KCND2: variants seen among roughly 807,000 people sequenced by gnomAD.
KCND2 encodes the protein potassium voltage-gated channel subfamily D member 2, also known as A-type voltage-gated potassium channel KCND2.
In KCND2, 16 loss-of-function variants were observed where a neutral mutation model predicts 54.4. That is an observed-to-expected ratio of 0.29 (90% confidence interval 0.20 to 0.45). The LOEUF is 0.45. KCND2 is among the 20% of genes least tolerant of loss of function. The probability of loss-of-function intolerance (pLI) is 1.00; values close to 1 mark genes in which losing one functional copy is unlikely to be tolerated. For missense variants in KCND2, 486 were observed against 824.2 expected, an observed-to-expected ratio of 0.59 and a Z score of 5.02; for synonymous variants, 317 against 310.7, an observed-to-expected ratio of 1.02 and a Z score of -0.21.
intron 1 of KCND2, among the ~76,000 whole-genome samples, chr7:120,614,901 A>G (rs1448202384): frequency 2.0e-5 from 3 of 152,190 alleles, no homozygotes; most frequent in African/African-American, 4.8e-5. Context: ...GAAAAGTTTG[A>G]TTAGTATTAG....
intron 1 of KCND2, among the ~76,000 whole-genome samples, chr7:120,559,009 G>A (rs1372917443): frequency 2.6e-5 from 4 of 151,614 alleles, no homozygotes; most frequent in African/African-American, 7.3e-5. Context: ...GTGTGTGTGT[G>A]TGTGTTTCTG....
At chr7:120,550,017 A>C (rs1421756314) in intron 1 of KCND2, among the ~76,000 whole-genome samples, 1 of 152,086 alleles carries the variant, frequency 6.6e-6, no homozygotes, top group Admixed American at 6.6e-5. Context: ...ATAATTTAGC[A>C]ATCTCCTCCA....
At chr7:120,488,300 A>G (rs1193681008) in intron 1 of KCND2, among the ~76,000 whole-genome samples, 1 of 152,200 alleles carries the variant, frequency 6.6e-6, no homozygotes, top group Non-Finnish European at 1.5e-5. Flanking sequence ...CATTAAAAGT[A>G]TATTTTATCA....
chr7:120,572,709 G>T (rs139446830), intron 1 of KCND2, among the ~76,000 whole-genome samples: 71 of 152,168 alleles, frequency 4.7e-4, no homozygotes, highest in African/African-American at 1.7e-3. Flanking sequence ...TTAGAGACGG[G>T]GTTTCATCAT....
intron 1 of KCND2, among the ~76,000 whole-genome samples, chr7:120,410,516 G>A (rs574120122): frequency 1.3e-5 from 2 of 151,722 alleles, no homozygotes; most frequent in African/African-American, 2.4e-5. Context: ...CACGAATATG[G>A]TATATCTCTA....
At chr7:120,655,752 A>AC (rs1256758131) in intron 1 of KCND2, among the ~76,000 whole-genome samples, 1 of 152,062 alleles carries the variant, frequency 6.6e-6, no homozygotes, top group East Asian at 1.9e-4. Context: ...ACTGCGCTGT[A>AC]CCCTCACCCA....
At chr7:120,457,327 T>C (rs1802214559) in intron 1 of KCND2, among the ~76,000 whole-genome samples, 2 of 152,144 alleles carry the variant, frequency 1.3e-5, no homozygotes, top group Non-Finnish European at 2.9e-5. Context: ...AGAAAATGGG[T>C]TTTTCTTTTC....
intron 1 of KCND2, among the ~76,000 whole-genome samples, chr7:120,333,755 G>T (rs910529651): frequency 6.6e-6 from 1 of 151,926 alleles, no homozygotes; most frequent in Non-Finnish European, 1.5e-5. Flanking sequence ...GCAACACTTT[G>T]GTTCTGGGTT....
intron 1 of KCND2, among the ~76,000 whole-genome samples, chr7:120,645,159 A>C (rs914162407): frequency 6.6e-6 from 1 of 152,236 alleles, no homozygotes; most frequent in African/African-American, 2.4e-5. Context: ...AAGTGATGGA[A>C]TCAAACTGTA....
intron 2 of KCND2, among the ~76,000 whole-genome samples, chr7:120,736,814 A>T (rs933870406): frequency 1.3e-5 from 2 of 151,896 alleles, no homozygotes; most frequent in Non-Finnish European, 2.9e-5. Context: ...GTCCAAGGCA[A>T]AAAAATTCTA....
At chr7:120,495,342 C>CT (rs34153928) in intron 1 of KCND2, among the ~76,000 whole-genome samples, 43,470 of 147,822 alleles carry the variant, frequency 0.29, 8,985 homozygotes, top group African/African-American at 0.58. Context: ...AGAATGACAA[C>CT]TTTTTTTTTT....
At chr7:120,488,210 T>A (rs1340235868) in intron 1 of KCND2, among the ~76,000 whole-genome samples, 1 of 151,850 alleles carries the variant, frequency 6.6e-6, no homozygotes, top group East Asian at 1.9e-4. Flanking sequence ...ATGAAGTTAT[T>A]CATTATGAAA....
intron 1 of KCND2, among the ~76,000 whole-genome samples, chr7:120,578,082 AAGG>A (rs1792462358): frequency 6.6e-6 from 1 of 151,796 alleles, no homozygotes; most frequent in African/African-American, 2.4e-5. Flanking sequence ...GGAGAAGGAG[AAGG>A]AGAAGGAGAG....
intron 1 of KCND2, among the ~76,000 whole-genome samples, chr7:120,719,003 G>A (rs2116097288): frequency 6.6e-6 from 1 of 152,110 alleles, no homozygotes; most frequent in South Asian, 2.1e-4. Context: ...TCAATAAATT[G>A]AACCAAGTGT....
chr7:120,464,071 C>T (rs1802330627), intron 1 of KCND2: 1 of 979,054 alleles, frequency 1.0e-6, no homozygotes, highest in Non-Finnish European at 1.2e-6. Context: ...AGAGCATATA[C>T]CAAGCCACCC....
intron 1 of KCND2, among the ~76,000 whole-genome samples, chr7:120,700,158 C>A (rs563839804): frequency 6.6e-6 from 1 of 152,088 alleles, no homozygotes; most frequent in Non-Finnish European, 1.5e-5. Flanking sequence ...TAATCTTTTA[C>A]AAAGTTTATC....
chr7:120,568,360 A>C (rs1337940703), intron 1 of KCND2, among the ~76,000 whole-genome samples: 2 of 152,120 alleles, frequency 1.3e-5, no homozygotes, highest in Non-Finnish European at 2.9e-5. Context: ...CAAAATGTAC[A>C]ATTTCATTAT....
At chr7:120,656,548 A>C (rs957925586) in intron 1 of KCND2, among the ~76,000 whole-genome samples, 1 of 152,220 alleles carries the variant, frequency 6.6e-6, no homozygotes, top group Admixed American at 6.5e-5. Context: ...GTGTATCTAT[A>C]ATGTGTTTTA....
chr7:120,299,716 G>A (rs12533932), intron 1 of KCND2, among the ~76,000 whole-genome samples: 100,507 of 151,994 alleles, frequency 0.66, 38,101 homozygotes, highest in South Asian at 0.91. Flanking sequence ...TAACATCTGC[G>A]TTCCACAGAG....
Sources: gnomAD v4.1 joint callset for allele counts (sites outside exome capture counted in the v4.1 genomes callset) on GRCh38, gnomAD v4.1.1 for gene constraint, MANE v1.5 for transcripts, NCBI Gene and HGNC (gene_info 2026-07-23, HGNC 2026-07-21) for gene names.